GNAI1: variants seen among roughly 807,000 people sequenced by gnomAD.
GNAI1 encodes G protein subunit alpha i1.
Under a neutral mutation model 38.9 loss-of-function variants are expected in GNAI1, and 11 were observed. That is an observed-to-expected ratio of 0.28 (90% confidence interval 0.18 to 0.47). GNAI1 has a LOEUF of 0.47. Ranked by LOEUF, GNAI1 falls within the 20% of genes least tolerant of loss-of-function variation. The probability of loss-of-function intolerance (pLI) is 0.99; values close to 1 mark genes in which losing one functional copy is unlikely to be tolerated. For synonymous variants in GNAI1, 166 were observed against 145.1 expected, an observed-to-expected ratio of 1.14 and a Z score of -1.04; for missense variants, 317 against 436.9, an observed-to-expected ratio of 0.73 and a Z score of 2.45.
chr7:80,137,690 A>C (rs767819053), intron 1 of GNAI1, among the ~76,000 whole-genome samples: 4 of 152,164 alleles, frequency 2.6e-5, no homozygotes, highest in Non-Finnish European at 5.9e-5. Context: ...AGAAATCTTT[A>C]AGTGACTGAA....
intron 1 of GNAI1, among the ~76,000 whole-genome samples, chr7:80,146,532 T>G (rs1177880946): frequency 6.6e-6 from 1 of 152,182 alleles, no homozygotes; most frequent in Non-Finnish European, 1.5e-5. Context: ...GCTGACCTTA[T>G]TTTTTTAGAG....
At chr7:80,183,345 A>G (rs1445235156) in intron 1 of GNAI1, among the ~76,000 whole-genome samples, 1 of 152,206 alleles carries the variant, frequency 6.6e-6, no homozygotes, top group Non-Finnish European at 1.5e-5. Flanking sequence ...ATCTTACAGT[A>G]GCATTATAAT....
chr7:80,210,810 T>C (rs1462929369), intron 5 of GNAI1, among the ~76,000 whole-genome samples, 159 bp from the exon 6 acceptor site: 3 of 151,702 alleles, frequency 2.0e-5, no homozygotes, highest in Non-Finnish European at 4.4e-5. Context: ...TTTTGAGAAG[T>C]CCAGTTTGTG....
intron 1 of GNAI1, among the ~76,000 whole-genome samples, chr7:80,179,518 TC>T (rs1788253994): frequency 6.6e-6 from 1 of 152,188 alleles, no homozygotes. Flanking sequence ...GACATGTAGT[TC>T]AGGTATAAAG....
chr7:80,149,632 T>A (rs1787690065), intron 1 of GNAI1, among the ~76,000 whole-genome samples: 2 of 152,142 alleles, frequency 1.3e-5, no homozygotes, highest in South Asian at 4.1e-4. Context: ...TGTGCTCCAT[T>A]TTGAGATTCA....
chr7:80,154,289 G>A (rs1201476345), intron 1 of GNAI1, among the ~76,000 whole-genome samples: 2 of 152,120 alleles, frequency 1.3e-5, no homozygotes, highest in Non-Finnish European at 2.9e-5. Context: ...TGGTTATAAT[G>A]TCTTGTGTTT....
rs2115632430 is a variant in GNAI1 at position 80,189,092 on chromosome 7, T to G, written c.164T>G (p.Ile55Ser). The G allele has an allele frequency of 6.2e-7, 1 of 1,606,218 alleles. No homozygotes were observed. Among genetic ancestry groups the G allele is most frequent in the East Asian group, 2.2e-5 (1 of 44,744 alleles). ...TTTTTTCCCTTTTGTCTCATTAGAATTATCCATGAAGCTGGTTATTCAGAA... is the reference window on the plus strand; with the variant it reads ...TTTTTTCCCTTTTGTCTCATTAGAAGTATCCATGAAGCTGGTTATTCAGAA... ...GKSTIVKQMK[I>S]IHEAGYSEEE... is the part of the protein sequence containing the mutation. Residue 55 changes from isoleucine (I) to serine (S), a missense_variant and splice_region_variant, in exon 3 of 8, where the codon ATT (isoleucine) becomes AGT (serine). Coordinates refer to ENST00000649796, the MANE Select transcript of GNAI1 (RefSeq NM_002069.6).
At chr7:80,213,855 A>G (rs752426498) in intron 7 of GNAI1, among the ~76,000 whole-genome samples, 8 of 147,676 alleles carry the variant, frequency 5.4e-5, no homozygotes, top group Non-Finnish European at 8.9e-5. Flanking sequence ...TTTTTTTTTA[A>G]AAGTCTCAAG....
At chr7:80,210,103 T>G (rs1484180814) in intron 5 of GNAI1, among the ~76,000 whole-genome samples, 3 of 152,216 alleles carry the variant, frequency 2.0e-5, no homozygotes, top group African/African-American at 7.2e-5. Flanking sequence ...CCTTTAAAAA[T>G]GTACCAGTTC....
chr7:80,196,319 C>T (rs556665017), intron 3 of GNAI1, among the ~76,000 whole-genome samples: 2 of 152,066 alleles, frequency 1.3e-5, no homozygotes, highest in South Asian at 4.1e-4. Flanking sequence ...TCTTTCTTTT[C>T]ACCACCACAA....
intron 1 of GNAI1, among the ~76,000 whole-genome samples, chr7:80,166,700 A>G (rs909518752): frequency 1.3e-5 from 2 of 152,230 alleles, no homozygotes; most frequent in African/African-American, 2.4e-5. Context: ...AATAATATCT[A>G]TATTTATAAA....
At chr7:80,197,288 A>T (rs2115661690) in intron 3 of GNAI1, among the ~76,000 whole-genome samples, 1 of 151,972 alleles carries the variant, frequency 6.6e-6, no homozygotes, top group Admixed American at 6.6e-5. Context: ...ATTATGAAAA[A>T]GAAACATTTT....
At chr7:80,156,453 G>C (rs1281483480) in intron 1 of GNAI1, among the ~76,000 whole-genome samples, 3 of 151,360 alleles carry the variant, frequency 2.0e-5, no homozygotes, top group Non-Finnish European at 4.4e-5. Context: ...TTTTGAGATG[G>C]TGTCTTGCTG....
rs1029514257 is a variant in GNAI1 at position 80,221,651 on chromosome 7, T to A, written c.*4158T>A. Among the ~76,000 whole-genome samples the A allele has an allele frequency of 9.8e-5, 14 of 142,820 alleles. No homozygotes were observed. Among genetic ancestry groups the A allele is most frequent in the Middle Eastern group, 7.1e-3 (2 of 282 alleles). The allele number at this position is 142,820 out of a possible 152,430, so 93.7% of individuals were successfully genotyped here. A position where few individuals can be genotyped will look rare whatever the true frequency, so the allele number is the denominator to read the frequency against. ...TGGAAATTTTCTTTTTTTTTTTTTT[T>A]TTTTTTTTTTGGTATGGAGTCTTGC... On this transcript the variant is annotated 3_prime_UTR_variant, in exon 8 of 8. Coordinates refer to ENST00000649796, the MANE Select transcript of GNAI1 (RefSeq NM_002069.6).
rs557307896 is a variant in GNAI1 at position 80,189,305 on chromosome 7, A to G, written c.303+74A>G. ...CTTGTATGCTAATACCATACTGTGT[A>G]ACATAGGCTTGTCAACTATCAGGAC... On this transcript the variant is annotated intron_variant, in intron 3 of 7. Coordinates refer to ENST00000649796, the MANE Select transcript of GNAI1 (RefSeq NM_002069.6). The G allele has an allele frequency of 2.2e-5, 28 of 1,271,782 alleles. No individual in the cohort carries two copies. In the African/African-American group the frequency reaches 4.0e-4, roughly 18 times the overall value. The allele number at this position is 1,271,782 out of a possible 1,614,324, so 78.8% of individuals were successfully genotyped here. A position where few individuals can be genotyped will look rare whatever the true frequency, so the allele number is the denominator to read the frequency against.
intron 1 of GNAI1, among the ~76,000 whole-genome samples, chr7:80,154,648 A>G (rs942294847): frequency 1.3e-5 from 2 of 152,208 alleles, no homozygotes; most frequent in African/African-American, 4.8e-5. Context: ...GACAAATAAC[A>G]TGTTAAACTT....
At chr7:80,183,346 G>A (rs1263691824) in intron 1 of GNAI1, among the ~76,000 whole-genome samples, 2 of 151,958 alleles carry the variant, frequency 1.3e-5, no homozygotes, top group South Asian at 2.1e-4. Context: ...TCTTACAGTA[G>A]CATTATAATA....
chr7:80,200,643 G>T (rs1201167283), intron 4 of GNAI1, among the ~76,000 whole-genome samples: 1 of 152,120 alleles, frequency 6.6e-6, no homozygotes, highest in East Asian at 1.9e-4. Flanking sequence ...CGAATTATTT[G>T]TTCAGCATCA....
chr7:80,212,400 A>G (rs563614097), intron 6 of GNAI1, among the ~76,000 whole-genome samples: 18 of 152,318 alleles, frequency 1.2e-4, no homozygotes, highest in African/African-American at 3.8e-4. Context: ...CTCTATGACA[A>G]TGTCATTTCT....
Sources: gnomAD v4.1 joint callset for allele counts (sites outside exome capture counted in the v4.1 genomes callset) on GRCh38, gnomAD v4.1.1 for gene constraint, MANE v1.5 for transcripts, NCBI Gene and HGNC (gene_info 2026-07-23, HGNC 2026-07-21) for gene names.